USP30: variants seen among roughly 807,000 people sequenced by gnomAD.
USP30 encodes the protein ubiquitin specific peptidase 30, also known as ubiquitin carboxyl-terminal hydrolase 30.
Under a neutral mutation model 68.2 loss-of-function variants are expected in USP30, and 41 were observed. The observed-to-expected ratio is 0.60, with a 90% CI of 0.47 to 0.78. The LOEUF is 0.78. USP30 is among the 30% of genes least tolerant of loss of function. The pLI is 0.00. For synonymous variants in USP30, 229 were observed against 253.7 expected, an observed-to-expected ratio of 0.90 and a Z score of 0.93; for missense variants, 522 against 649.4, an observed-to-expected ratio of 0.80 and a Z score of 2.13.
At chr12:109,030,322 A>G (rs547479442) in intron 3 of USP30, among the ~76,000 whole-genome samples, 2 of 152,310 alleles carry the variant, frequency 1.3e-5, no homozygotes, top group South Asian at 2.1e-4. Context: ...TGTGGATTAA[A>G]CAAGATGATG....
chr12:109,073,624 C>A, intron 7 of USP30, 92 bp downstream of exon 7: 2 of 1,148,862 alleles, frequency 1.7e-6, no homozygotes, highest in Non-Finnish European at 2.6e-6. Context: ...TGACATCGGT[C>A]ACTGGTGTTA....
chr12:109,066,343 A>C (rs933683203), intron 3 of USP30, among the ~76,000 whole-genome samples: 1 of 152,092 alleles, frequency 6.6e-6, no homozygotes, highest in Non-Finnish European at 1.5e-5. Context: ...TTATAATATA[A>C]ATAAGCCCAT....
chr12:109,074,904 C>G (rs1291857044), intron 7 of USP30, among the ~76,000 whole-genome samples: 1 of 152,200 alleles, frequency 6.6e-6, no homozygotes, highest in Admixed American at 6.5e-5. Flanking sequence ...TGGCAGCCAG[C>G]ATGTACTCTG....
chr12:109,082,779 T>C, intron 10 of USP30, 36 bp downstream of exon 10: 5 of 1,611,362 alleles, frequency 3.1e-6, no homozygotes, highest in Non-Finnish European at 4.2e-6. Context: ...GGCTTTGTTT[T>C]GAGGACTCCG....
At chr12:109,067,737 A>G (rs2041305953) in intron 4 of USP30, 110 bp downstream of exon 4, 2 of 906,204 alleles carry the variant, frequency 2.2e-6, no homozygotes, top group Non-Finnish European at 3.4e-6. Flanking sequence ...GACATTTTAG[A>G]CAACTTTAGT....
At chr12:109,031,824 C>A (rs542041825) in intron 3 of USP30, among the ~76,000 whole-genome samples, 2 of 152,124 alleles carry the variant, frequency 1.3e-5, no homozygotes, top group African/African-American at 4.8e-5. Context: ...AAGGTAGAGA[C>A]GAGGTGTGAT....
chr12:109,040,681 T>C (rs1463628446), intron 3 of USP30, among the ~76,000 whole-genome samples: 2 of 152,212 alleles, frequency 1.3e-5, no homozygotes, highest in Non-Finnish European at 2.9e-5. Context: ...AAGTTGGTAA[T>C]GGCTGTTGGC....
intron 3 of USP30, among the ~76,000 whole-genome samples, chr12:109,028,481 G>T (rs1407869165): frequency 6.6e-6 from 1 of 151,484 alleles, no homozygotes; most frequent in Non-Finnish European, 1.5e-5. Flanking sequence ...TGTTGTTGTT[G>T]TTGTTTTTGT....
intron 1 of USP30, chr12:109,054,070 A>G: frequency 2.2e-6 from 1 of 455,978 alleles, no homozygotes; most frequent in Non-Finnish European, 4.4e-6. Context: ...CCTGGCAGAG[A>G]GTATGTACCC....
chr12:109,046,118 T>C (rs2040602544), intron 3 of USP30, among the ~76,000 whole-genome samples: 1 of 146,124 alleles, frequency 6.8e-6, no homozygotes, highest in South Asian at 2.3e-4. Context: ...TTTTTTTTTT[T>C]TTAGATGGAG....
At chr12:109,065,428 A>C (rs1250730896) in intron 3 of USP30, among the ~76,000 whole-genome samples, 1 of 152,236 alleles carries the variant, frequency 6.6e-6, no homozygotes, top group Non-Finnish European at 1.5e-5. Context: ...AGAGTTCGAG[A>C]TCCAGCTAAA....
chr12:109,051,214 G>A (rs1011741438), upstream of USP30, among the ~76,000 whole-genome samples: 4 of 144,408 alleles, frequency 2.8e-5, no homozygotes, highest in Non-Finnish European at 4.5e-5. Context: ...ATTGGGTCAA[G>A]GAAAAAATAT....
intron 4 of USP30, among the ~76,000 whole-genome samples, chr12:109,068,581 T>C (rs978596516): frequency 6.6e-6 from 1 of 152,234 alleles, no homozygotes; most frequent in Non-Finnish European, 1.5e-5. Context: ...GAAAATACTT[T>C]TAAAATCCTC....
chr12:109,044,888 A>T (rs2135676969), intron 3 of USP30, among the ~76,000 whole-genome samples: 1 of 151,774 alleles, frequency 6.6e-6, no homozygotes, highest in Middle Eastern at 3.4e-3. Context: ...TCATTATGTT[A>T]TCACACTTTT....
intron 3 of USP30, among the ~76,000 whole-genome samples, chr12:109,029,838 C>G (rs565353893): frequency 2.6e-5 from 4 of 152,002 alleles, no homozygotes; most frequent in Admixed American, 2.0e-4. Context: ...TGGGTAGGGC[C>G]GGTTCCTAGA....
rs751298148 is a variant in USP30, at chr12:109,052,682, C to T, written c.4C>T (p.Leu2=). The T allele has an allele frequency of 8.7e-6, 13 of 1,500,864 alleles. No individual in the cohort carries two copies. Among genetic ancestry groups the T allele is most frequent in the Non-Finnish European group, 1.1e-5 (13 of 1,130,494 alleles). The allele number at this position is 1,500,864 out of a possible 1,614,324, so 93.0% of individuals were successfully genotyped here. The change falls in exon 1 of 13, where the codon CTG becomes TTG. Residue 2 remains leucine, a synonymous_variant. Transcript: ENST00000257548. M[L]SSRAEAAMTA... is the part of the protein sequence containing the mutation. ...TCAGGCCTCCGGTGCGGCTGCAATG[C>T]TGAGCTCCCGGGCCGAGGCGGCGAT...
At chr12:109,028,451 C>CTT (rs59198049) in intron 3 of USP30, among the ~76,000 whole-genome samples, 5 of 148,302 alleles carry the variant, frequency 3.4e-5, no homozygotes, top group African/African-American at 9.9e-5. Context: ...GTGCCACACC[C>CTT]TTTTTTTTTT....
intron 1 of USP30, among the ~76,000 whole-genome samples, chr12:109,055,047 C>T (rs539057296): frequency 6.6e-6 from 1 of 152,038 alleles, no homozygotes; most frequent in East Asian, 1.9e-4. Flanking sequence ...CGTATGTATG[C>T]ATGTGTAACA....
At chr12:109,057,050 C>G (rs1271516884) in intron 2 of USP30, among the ~76,000 whole-genome samples, 1 of 152,198 alleles carries the variant, frequency 6.6e-6, no homozygotes, top group Non-Finnish European at 1.5e-5. Flanking sequence ...GCATAATTGT[C>G]TAAGAAGTGT....
Sources: gnomAD v4.1 joint callset for allele counts (sites outside exome capture counted in the v4.1 genomes callset) on GRCh38, gnomAD v4.1.1 for gene constraint, MANE v1.5 for transcripts, NCBI Gene and HGNC (gene_info 2026-07-23, HGNC 2026-07-21) for gene names.